SLCO5A1: variants seen among roughly 807,000 people sequenced by gnomAD.
The protein encoded by SLCO5A1 is solute carrier organic anion transporter family member 5A1, also known as organic anion transporter polypeptide-related protein 4.
SLCO5A1 carries 39 observed loss-of-function variants against 65.1 expected under a neutral mutation model. The observed-to-expected ratio is 0.60, with a 90% CI of 0.46 to 0.78. The LOEUF is 0.78. Ranked by LOEUF, SLCO5A1 falls within the 30% of genes least tolerant of loss-of-function variation. The pLI, the probability that SLCO5A1 is intolerant of heterozygous loss-of-function variation, is 0.00. For missense variants in SLCO5A1, 1,029 were observed against 1,069.4 expected, an observed-to-expected ratio of 0.96 and a Z score of 0.53; for synonymous variants, 438 against 415.7, an observed-to-expected ratio of 1.05 and a Z score of -0.65.
chr8:69,831,734 T>A, intron 2 of SLCO5A1, 33 bp downstream of exon 2: 1 of 1,583,876 alleles, frequency 6.3e-7, no homozygotes, highest in Non-Finnish European at 8.6e-7. Context: ...TCAGTGTGAG[T>A]GAAACATATC....
intron 2 of SLCO5A1, among the ~76,000 whole-genome samples, chr8:69,807,697 TTTTGTTTG>T (rs532636334): frequency 6.6e-6 from 1 of 152,148 alleles, no homozygotes; most frequent in Non-Finnish European, 1.5e-5. Context: ...ATTTCCTGTT[TTTTGTTTG>T]TTTGTTTGTT....
chr8:69,699,551 T>TCA (rs60166649), intron 6 of SLCO5A1, among the ~76,000 whole-genome samples: 2 of 108,970 alleles, frequency 1.8e-5, no homozygotes, highest in Non-Finnish European at 3.6e-5. Context: ...AGACCTACCC[T>TCA]CACACACACA....
At chr8:69,791,796 T>G (rs962278800) in intron 2 of SLCO5A1, among the ~76,000 whole-genome samples, 16 of 152,206 alleles carry the variant, frequency 1.1e-4, no homozygotes, top group African/African-American at 3.4e-4. Context: ...ACCCAAGAAT[T>G]TAAAGACCTT....
intron 2 of SLCO5A1, among the ~76,000 whole-genome samples, chr8:69,787,154 T>C (rs1205877368): frequency 1.3e-5 from 2 of 152,224 alleles, no homozygotes; most frequent in African/African-American, 4.8e-5. Flanking sequence ...CATCTAGCAC[T>C]GACATATCAA....
intron 6 of SLCO5A1, chr8:69,700,202 G>A (rs1480191235): frequency 6.6e-6 from 1 of 152,222 alleles, no homozygotes; most frequent in Non-Finnish European, 1.5e-5. Context: ...ATATGAAATG[G>A]TGATAAATAA....
intron 6 of SLCO5A1, among the ~76,000 whole-genome samples, chr8:69,694,148 G>A (rs776312087): frequency 3.3e-4 from 51 of 152,288 alleles, no homozygotes; most frequent in Middle Eastern, 3.4e-3. Flanking sequence ...ATGCAGGTGC[G>A]TACGTGCATG....
rs1434389048 is a variant in SLCO5A1, at chr8:69,831,881, C to T, written c.793G>A (p.Ala265Thr). The T allele has an allele frequency of 6.2e-7, 1 of 1,611,466 alleles. No individual in the cohort carries two copies. The highest frequency in any genetic ancestry group is 8.5e-7 in the Non-Finnish European group (1 of 1,179,324). Residue 265 changes from alanine (A) to threonine (T), a missense_variant, in exon 2 of 10, where the codon GCT becomes ACT. Ala to Thr is a moderately conservative substitution (Grantham distance 58). Around this residue, in one of 3 missense-constraint regions of SLCO5A1, gnomAD observed 647 missense variants for 647.5 expected, o/e 1.00. Coordinates refer to ENST00000260126, the MANE Select transcript of SLCO5A1 (RefSeq NM_030958.3). ...AGAATCTGCGCGCAAATGAATAAAG[C>T]CACGTAGACCCAGTGATTATTTCCT... ...SGGNNHWVYV[A>T]LFICAQILIG...
chr8:69,704,328 G>A (rs1014101714), intron 6 of SLCO5A1, among the ~76,000 whole-genome samples: 1 of 152,184 alleles, frequency 6.6e-6, no homozygotes, highest in Non-Finnish European at 1.5e-5. Context: ...GTTATTGAGA[G>A]GATTCATGGA....
intron 2 of SLCO5A1, among the ~76,000 whole-genome samples, chr8:69,807,200 T>A (rs1435663781): frequency 6.6e-6 from 1 of 151,888 alleles, no homozygotes; most frequent in Non-Finnish European, 1.5e-5. Flanking sequence ...TGTGAGGGGG[T>A]TTTTTACATT....
chr8:69,763,981 C>T (rs905753713), intron 2 of SLCO5A1, among the ~76,000 whole-genome samples: 1 of 152,188 alleles, frequency 6.6e-6, no homozygotes, highest in African/African-American at 2.4e-5. Flanking sequence ...TCTCTTGCCT[C>T]AGCCTCCCCA....
At chr8:69,750,740 T>A (rs1817260407) in intron 4 of SLCO5A1, among the ~76,000 whole-genome samples, 1 of 152,218 alleles carries the variant, frequency 6.6e-6, no homozygotes, top group South Asian at 2.1e-4. Flanking sequence ...ATGCTCCTTC[T>A]GCAGCCTTGA....
chr8:69,774,198 C>G (rs1818464908), intron 2 of SLCO5A1, among the ~76,000 whole-genome samples: 1 of 152,200 alleles, frequency 6.6e-6, no homozygotes, highest in East Asian at 1.9e-4. Flanking sequence ...GCAGCTGCAG[C>G]TTCGTCCTTA....
intron 2 of SLCO5A1, among the ~76,000 whole-genome samples, chr8:69,802,808 T>G (rs1261939463): frequency 6.6e-6 from 1 of 152,138 alleles, no homozygotes; most frequent in South Asian, 2.1e-4. Context: ...CCTACTTTAT[T>G]TGCTTTTTCT....
intron 6 of SLCO5A1, among the ~76,000 whole-genome samples, chr8:69,692,117 C>T (rs1001014828): frequency 5.3e-5 from 8 of 152,066 alleles, no homozygotes; most frequent in Non-Finnish European, 1.0e-4. Context: ...GGTGTGGTGG[C>T]GGGCGCCTGT....
At chr8:69,799,641 G>A (rs1819652447) in intron 2 of SLCO5A1, among the ~76,000 whole-genome samples, 1 of 152,146 alleles carries the variant, frequency 6.6e-6, no homozygotes, top group African/African-American at 2.4e-5. Context: ...TGGCAGGGGA[G>A]GTCTCAAGAA....
intron 5 of SLCO5A1, among the ~76,000 whole-genome samples, chr8:69,721,473 T>C (rs886472272): frequency 1.3e-5 from 2 of 152,224 alleles, no homozygotes; most frequent in African/African-American, 2.4e-5. Context: ...CCTCGAATCA[T>C]TGGCTAATTA....
At chr8:69,747,284 GC>G in intron 4 of SLCO5A1, among the ~76,000 whole-genome samples, 1 of 152,148 alleles carries the variant, frequency 6.6e-6, no homozygotes, top group East Asian at 1.9e-4. Context: ...TTATTGAACA[GC>G]CTTTAACATC....
At chr8:69,740,999 G>A (rs1205320492) in intron 4 of SLCO5A1, among the ~76,000 whole-genome samples, 1 of 152,204 alleles carries the variant, frequency 6.6e-6, no homozygotes. Context: ...ATGCAGACCA[G>A]AGAAAAATTT....
At chr8:69,704,881 A>G in intron 6 of SLCO5A1, 150 bp downstream of exon 6, 1 of 717,364 alleles carries the variant, frequency 1.4e-6, no homozygotes, top group Non-Finnish European at 2.4e-6. Context: ...GCAGGAGTGC[A>G]TGCTCCACTT....
Sources: gnomAD v4.1 joint callset for allele counts (sites outside exome capture counted in the v4.1 genomes callset) on GRCh38, gnomAD v4.1.1 for gene constraint, gnomAD v4.1.1 regional missense constraint, MANE v1.5 for transcripts, NCBI Gene and HGNC (gene_info 2026-07-23, HGNC 2026-07-21) for gene names.